Variants in SGCD observed in about 807,000 individuals in gnomAD.
SGCD encodes the protein sarcoglycan delta.
Under a neutral mutation model 36.6 loss-of-function variants are expected in SGCD, and 18 were observed. That is an observed-to-expected ratio of 0.49 (90% CI 0.34 to 0.73). The LOEUF (loss-of-function observed/expected upper bound fraction) is 0.73. SGCD is among the 30% of genes least tolerant of loss of function. The probability of loss-of-function intolerance (pLI) is 0.01; values close to 1 mark genes in which losing one functional copy is unlikely to be tolerated. For synonymous variants in SGCD, 133 were observed against 130.6 expected (o/e 1.02, Z -0.12); for missense variants, 387 against 346.7 (o/e 1.12, Z -0.92).
In SGCD at chr5:156,748,216, G is replaced by GT. The variant is rs575242783; in HGVS notation, c.576-9364dup. On this transcript the variant is annotated intron_variant, in intron 7 of 8. Transcript: ENST00000337851. ...TCAGAAGAATGCGTGCCTCTGGAGG[G>GT]TGGTGGGTGTGAATGCAGAGAAGCA... Among the ~76,000 whole-genome samples, 1,029 of 152,336 alleles carry GT rather than the reference G, an allele frequency of 6.8e-3. 5 individuals carry two copies. Among genetic ancestry groups the GT allele is most frequent in the Non-Finnish European group, 0.012 (785 of 68,038 alleles).
At chr5:156,527,591 C>A (rs1468238431) in intron 4 of SGCD, among the ~76,000 whole-genome samples, 1 of 152,212 alleles carries the variant, frequency 6.6e-6, no homozygotes, top group Non-Finnish European at 1.5e-5. Context: ...AGTTACTTCT[C>A]TTCATGTCTC....
At chr5:156,652,157 G>A (rs113692685) in intron 7 of SGCD, among the ~76,000 whole-genome samples, 3,869 of 152,008 alleles carry the variant, frequency 0.025, 106 homozygotes, top group African/African-American at 0.06. Context: ...GAGCCTTTTG[G>A]TAGAGTCTTT....
chr5:155,832,949 C>G, the SGCD span, among the ~76,000 whole-genome samples: 14 of 150,608 alleles, frequency 9.3e-5, no homozygotes, highest in Non-Finnish European at 1.3e-4. Flanking sequence ...CACGGTGGCT[C>G]ATGCCTATAA....
chr5:156,037,561 C>T (rs954838514), intron 1 of SGCD, among the ~76,000 whole-genome samples: 1 of 152,298 alleles, frequency 6.6e-6, no homozygotes, highest in South Asian at 2.1e-4. Flanking sequence ...ACACATAAAA[C>T]ATCTTGCATC....
intron 3 of SGCD, among the ~76,000 whole-genome samples, chr5:156,374,553 A>C (rs1001034463): frequency 1.6e-4 from 24 of 152,214 alleles, no homozygotes; most frequent in Non-Finnish European, 1.0e-4. Flanking sequence ...GGAAGAAAAA[A>C]AATTGATTGA....
intron 6 of SGCD, among the ~76,000 whole-genome samples, chr5:156,633,455 G>A (rs1310657578): frequency 2.0e-5 from 3 of 152,184 alleles, no homozygotes; most frequent in Non-Finnish European, 2.9e-5. Flanking sequence ...GATTGAAAAA[G>A]TAACATGTTT....
At position 156,669,806 on chromosome 5, in the gene SGCD, T is replaced by C. The variant is rs113578607; in HGVS notation, c.575+22270T>C. ...TCTGTAGGCCTTGAACCAGGATTGA[T>C]TGTAACTGTGATCCATAACTGATGC... On this transcript the variant is annotated intron_variant, in intron 7 of 8. Coordinates refer to ENST00000337851, the MANE Select transcript of SGCD (RefSeq NM_000337.6). Among the ~76,000 whole-genome samples the C allele has an allele frequency of 3.7e-3, 568 of 152,286 alleles. 9 individuals carry two copies. The highest frequency in any genetic ancestry group is 0.012 in the African/African-American group (495 of 41,556).
At chr5:156,476,019 G>A (rs776530337) in intron 3 of SGCD, among the ~76,000 whole-genome samples, 2 of 152,196 alleles carry the variant, frequency 1.3e-5, no homozygotes, top group African/African-American at 2.4e-5. Flanking sequence ...TTGACTTGCC[G>A]TGGCTGAGGG....
At chr5:156,688,617 C>G (rs888804711) in intron 7 of SGCD, among the ~76,000 whole-genome samples, 2 of 152,156 alleles carry the variant, frequency 1.3e-5, no homozygotes, top group African/African-American at 4.8e-5. Context: ...TCCTGGGAAC[C>G]AGCAGAGTCT....
intron 2 of SGCD, among the ~76,000 whole-genome samples, chr5:156,122,885 G>T (rs947376058): frequency 1.1e-4 from 7 of 62,930 alleles, no homozygotes; most frequent in African/African-American, 4.2e-4. Flanking sequence ...AAAAAAAAAA[G>T]GTCAGCTGCT....
chr5:156,202,345 T>G (rs4704994), intron 3 of SGCD, among the ~76,000 whole-genome samples: 98,449 of 152,068 alleles, frequency 0.65, 32,237 homozygotes, highest in African/African-American at 0.75. Context: ...AGCCAGACTG[T>G]TTTACAATTT....
intron 3 of SGCD, among the ~76,000 whole-genome samples, chr5:156,255,679 G>A (rs917617095): frequency 6.6e-6 from 1 of 152,032 alleles, no homozygotes; most frequent in Non-Finnish European, 1.5e-5. Context: ...TTCCTTGAAA[G>A]TTCTATTTTT....
chr5:155,927,271 A>C (rs368282027), intron 1 of SGCD, among the ~76,000 whole-genome samples: 1 of 152,200 alleles, frequency 6.6e-6, no homozygotes, highest in Admixed American at 6.5e-5. Context: ...ATTGTGAGCT[A>C]TTACCTGTGT....
the SGCD span, among the ~76,000 whole-genome samples, chr5:155,828,999 A>ATTG: frequency 1.4e-4 from 21 of 151,974 alleles, 1 homozygote; most frequent in African/African-American, 1.4e-4. Context: ...TATTATTATT[A>ATTG]TATTATTCTA....
intron 3 of SGCD, among the ~76,000 whole-genome samples, chr5:156,442,509 A>G (rs1191773416): frequency 6.6e-6 from 1 of 152,228 alleles, no homozygotes; most frequent in East Asian, 1.9e-4. Flanking sequence ...CTGCAGCATG[A>G]AATTCAAACG....
chr5:156,572,747 G>T (rs1298418528), intron 4 of SGCD, among the ~76,000 whole-genome samples: 4 of 152,138 alleles, frequency 2.6e-5, no homozygotes, highest in Non-Finnish European at 5.9e-5. Flanking sequence ...GCAATCAAAG[G>T]TTGCTTCAAA....
intron 3 of SGCD, among the ~76,000 whole-genome samples, chr5:156,363,096 GC>G (rs1769896197): frequency 6.6e-6 from 1 of 151,476 alleles, no homozygotes; most frequent in Admixed American, 6.6e-5. Flanking sequence ...TTTAGTTTTT[GC>G]AGCTAAATTA....
the SGCD span, among the ~76,000 whole-genome samples, chr5:155,751,237 A>C: frequency 6.6e-6 from 1 of 152,206 alleles, no homozygotes; most frequent in Non-Finnish European, 1.5e-5. Context: ...AGTATTGGCT[A>C]TCAGGAGTTT....
intron 6 of SGCD, among the ~76,000 whole-genome samples, chr5:156,595,628 GCT>G (rs1187597048): frequency 1.3e-5 from 2 of 152,188 alleles, no homozygotes; most frequent in African/African-American, 4.8e-5. Flanking sequence ...GAAAATGAGT[GCT>G]CATCCAAAGA....
Sources: gnomAD v4.1 joint callset for allele counts (sites outside exome capture counted in the v4.1 genomes callset) on GRCh38, gnomAD v4.1.1 for gene constraint, MANE v1.5 for transcripts, NCBI Gene and HGNC (gene_info 2026-07-23, HGNC 2026-07-21) for gene names.